ADGRL2: variants seen among roughly 807,000 people sequenced by gnomAD.
ADGRL2 encodes the protein calcium-independent alpha-latrotoxin receptor 2.
In ADGRL2, 44 loss-of-function variants were observed where a neutral mutation model predicts 157.4. That is an observed-to-expected ratio of 0.28 (90% CI 0.22 to 0.36). The LOEUF is 0.36. Among genes scored for constraint, ADGRL2 ranks in the 10% least tolerant of loss-of-function variants. The pLI is 1.00. For missense variants in ADGRL2, 1,510 were observed against 1,768.9 expected (o/e 0.85, Z 2.63); for synonymous variants, 585 against 624.7 (o/e 0.94, Z 0.95).
At chr1:81,782,686 G>A (rs1346062815) in intron 2 of ADGRL2, among the ~76,000 whole-genome samples, 1 of 152,184 alleles carries the variant, frequency 6.6e-6, no homozygotes, top group Middle Eastern at 3.2e-3. Context: ...ACATTCCAGA[G>A]ATTTTGATAT....
At chr1:81,691,892 A>ATATATATATATATATATATATATATATG (rs2083345303) in intron 3 of ADGRL2, among the ~76,000 whole-genome samples, 19 of 147,976 alleles carry the variant, frequency 1.3e-4, no homozygotes, top group African/African-American at 4.7e-4. Flanking sequence ...ATATATATAT[A>ATATATATATATATATATATATATATATG]TATGTATGTG....
At chr1:81,628,554 T>G (rs2081953733) in intron 3 of ADGRL2, among the ~76,000 whole-genome samples, 1 of 152,192 alleles carries the variant, frequency 6.6e-6, no homozygotes, top group South Asian at 2.1e-4. Context: ...AACTTGAGAT[T>G]ATAATCCCAT....
At chr1:81,315,648 C>T (rs563925003) in intron 1 of ADGRL2, among the ~76,000 whole-genome samples, 130 of 152,250 alleles carry the variant, frequency 8.5e-4, no homozygotes, top group African/African-American at 2.9e-3. Context: ...TCTTCTCTTA[C>T]GTCACTATTT....
rs558527448 is a variant in ADGRL2, at chr1:81,318,758, T to A, written c.-302+12249T>A. 8.5e-5 allele frequency among the ~76,000 whole-genome samples: 13 copies of A among 152,088 alleles called. No individual in the cohort carries two copies. The East Asian group carries it at 2.1e-3, about 25-fold the overall frequency. Reference sequence around the variant, plus strand: ...TTATAAAAAGAGATCCTGTTTTATGTTTTTTTCTTACTGGAGTCATAAAAT... The same window carrying A: ...TTATAAAAAGAGATCCTGTTTTATGATTTTTTCTTACTGGAGTCATAAAAT... On this transcript the variant is annotated intron_variant, in intron 1 of 24. Transcript: ENST00000370721.
At chr1:81,721,053 A>G (rs79137974) in intron 1 of ADGRL2, among the ~76,000 whole-genome samples, 2 of 128,500 alleles carry the variant, frequency 1.6e-5, no homozygotes, top group Non-Finnish European at 3.5e-5. Context: ...TTTTTTTTTA[A>G]TAGAGCCGGG....
intron 1 of ADGRL2, among the ~76,000 whole-genome samples, chr1:81,403,724 T>C (rs2076803521): frequency 6.6e-6 from 1 of 152,134 alleles, no homozygotes; most frequent in South Asian, 2.1e-4. Context: ...TATATGTTTC[T>C]ATATTTGTAC....
intron 2 of ADGRL2, among the ~76,000 whole-genome samples, chr1:81,885,306 T>C (rs1458555578): frequency 4.6e-5 from 7 of 152,184 alleles, no homozygotes; most frequent in Admixed American, 1.3e-4. Context: ...TGATGTTTCA[T>C]CTCTATTTTC....
chr1:81,438,586 A>G (rs2077451983), intron 1 of ADGRL2, among the ~76,000 whole-genome samples: 1 of 152,178 alleles, frequency 6.6e-6, no homozygotes, highest in South Asian at 2.1e-4. Context: ...TTAAACCACC[A>G]TATCAGAAAA....
In ADGRL2 at chr1:81,702,133, G is replaced by A. The variant is rs184753674; in HGVS notation, c.-143+2325G>A. ...AGTTTTATAAGAATATATTGAAGAG[G>A]AAGGCTGTCATACCTTTCCCTGAAA... On this transcript the variant is annotated intron_variant, in intron 1 of 20. Transcript: ENST00000359929. Among the ~76,000 whole-genome samples, 51 of 152,268 alleles carry A rather than the reference G, an allele frequency of 3.3e-4. No homozygotes were observed. The East Asian group carries it at 9.7e-3, about 29-fold the overall frequency.
intron 1 of ADGRL2, among the ~76,000 whole-genome samples, chr1:81,816,561 A>G (rs996138274): frequency 6.6e-6 from 1 of 151,966 alleles, no homozygotes; most frequent in East Asian, 1.9e-4. Context: ...GAACCAGGAT[A>G]TAAATTTAGT....
intron 1 of ADGRL2, among the ~76,000 whole-genome samples, chr1:81,741,946 A>G (rs150885049): frequency 6.6e-6 from 1 of 152,122 alleles, no homozygotes; most frequent in African/African-American, 2.4e-5. Context: ...TATCTATGTA[A>G]TATATAAAAC....
chr1:81,655,751 T>G (rs757696827), intron 3 of ADGRL2, among the ~76,000 whole-genome samples: 32 of 152,276 alleles, frequency 2.1e-4, no homozygotes, highest in Admixed American at 4.6e-4. Flanking sequence ...CTTCTTTTTC[T>G]CTCTTCCATG....
At chr1:81,419,851 TC>T (rs2077094971) in intron 1 of ADGRL2, among the ~76,000 whole-genome samples, 1 of 152,290 alleles carries the variant, frequency 6.6e-6, no homozygotes, top group South Asian at 2.1e-4. Flanking sequence ...AGTATGTTTC[TC>T]CCAGTGAAAA....
chr1:81,620,225 A>G (rs1226390742), intron 3 of ADGRL2, among the ~76,000 whole-genome samples: 4 of 152,248 alleles, frequency 2.6e-5, no homozygotes, highest in Non-Finnish European at 5.9e-5. Flanking sequence ...CAATACTGGT[A>G]CATGGGTACA....
chr1:81,979,829 C>T (rs746689955), intron 17 of ADGRL2, 40 bp from the exon 18 acceptor site: 11 of 1,147,304 alleles, frequency 9.6e-6, no homozygotes, highest in East Asian at 2.4e-5. Context: ...TTTTTCAGCT[C>T]TTTGTTCATT....
intron 2 of ADGRL2, among the ~76,000 whole-genome samples, chr1:81,556,378 G>T (rs1164909435): frequency 2.1e-5 from 3 of 140,718 alleles, no homozygotes; most frequent in African/African-American, 8.1e-5. Flanking sequence ...AAGTGCAGTG[G>T]TGTGATCTTG....
At chr1:81,448,726 G>T (rs1048605317) in intron 2 of ADGRL2, among the ~76,000 whole-genome samples, 3 of 151,630 alleles carry the variant, frequency 2.0e-5, no homozygotes, top group African/African-American at 4.9e-5. Flanking sequence ...CAATGAAAGG[G>T]TTATTTTAAA....
intron 1 of ADGRL2, among the ~76,000 whole-genome samples, chr1:81,441,458 A>C (rs76197216): frequency 1.5e-3 from 223 of 152,306 alleles, no homozygotes; most frequent in African/African-American, 5.1e-3. Context: ...TAAGAGTACA[A>C]ACTTACTTCT....
chr1:81,528,640 C>G (rs2079525242), intron 2 of ADGRL2, among the ~76,000 whole-genome samples: 1 of 94,108 alleles, frequency 1.1e-5, no homozygotes, highest in South Asian at 3.4e-4. Flanking sequence ...AAGTGAGACT[C>G]CATCTCAAAA....
Sources: allele counts gnomAD v4.1 joint callset (sites outside exome capture counted in the v4.1 genomes callset), GRCh38; gene constraint gnomAD v4.1.1; transcripts MANE v1.5; gene names NCBI Gene and HGNC (gene_info 2026-07-23, HGNC 2026-07-21).